The following DACT2 variants were observed in gnomAD, a reference collection of about 807,000 sequenced individuals.
DACT2 encodes the protein dishevelled binding antagonist of beta catenin 2.
DACT2 carries 20 observed loss-of-function variants against 22.2 expected under a neutral mutation model. The ratio of observed to expected loss-of-function variants is 0.90; its 90% CI spans 0.63 to 1.31. DACT2 has a LOEUF of 1.31. Among genes scored for constraint, DACT2 ranks in the 50% most tolerant of loss-of-function variants. The pLI, the probability that DACT2 is intolerant of heterozygous loss-of-function variation, is 0.00. For missense variants in DACT2, 1,048 were observed against 1,061.4 expected (o/e 0.99, Z 0.18); for synonymous variants, 463 against 479.8 (o/e 0.96, Z 0.46).
intron 1 of DACT2, among the ~76,000 whole-genome samples, chr6:168,315,062 C>T (rs540888190): frequency 3.9e-5 from 6 of 152,258 alleles, no homozygotes; most frequent in South Asian, 4.1e-4. Flanking sequence ...CATGTTGATG[C>T]GGCAGAATCA....
intron 1 of DACT2, among the ~76,000 whole-genome samples, chr6:168,314,114 A>G (rs1779489998): frequency 6.6e-6 from 1 of 152,174 alleles, no homozygotes; most frequent in Admixed American, 6.5e-5. Context: ...GTCACAAAAT[A>G]TATGTGGCCA....
downstream of DACT2, chr6:168,306,903 G>T (rs78236728): frequency 6.0e-4 from 597 of 990,724 alleles, 3 homozygotes; most frequent in African/African-American, 8.1e-3. Flanking sequence ...GGAGGAAGAG[G>T]TTAAAAGAGG....
chr6:168,308,212 C>G lies in DACT2; in HGVS notation c.1545G>C (p.Leu515=). ...DKVLRFARQP[L]LLLDRPEGAH... ...CTCCCTCAGGCCTGTCCAGTAGAAG[C>G]AGCGGCTGCCTTGCAAACCTCAGCA... The change falls in exon 4 of 4, where the codon CTG becomes CTC. Residue 515 remains leucine (L), a synonymous_variant. Coordinates refer to ENST00000366795, the MANE Select transcript of DACT2 (RefSeq NM_214462.5). 6.4e-7 allele frequency: 1 copy of G among 1,551,816 alleles called. No homozygotes were observed. Among genetic ancestry groups the G allele is most frequent in the East Asian group, 2.4e-5 (1 of 40,874 alleles).
At chr6:168,298,065 C>G (rs1172965795) in intron 3 of DACT2, 2 of 152,198 alleles carry the variant, frequency 1.3e-5, no homozygotes, top group East Asian at 3.8e-4. Flanking sequence ...AGTGAACACA[C>G]ACATTGGAAA....
Position 168,307,818 on chromosome 6 carries a change from G to A in DACT2, c.1939C>T (p.Arg647Cys), listed in dbSNP as rs1044195917. Residue 647 changes from arginine to cysteine, a missense_variant, in exon 4 of 4, where the codon CGT becomes TGT. Arg to Cys is a radical substitution (Grantham distance 180). Transcript: ENST00000366795. This position sits in a 1 kb window ranked among gnomAD's most constrained non-coding sequence, Gnocchi z 5.3. Reference sequence around the variant, plus strand: ...GCGTCCTGGCGGACCAGTGAGGGACGGCCCCGGGCCAGTGGGCCACCTGCT... The same window carrying A: ...GCGTCCTGGCGGACCAGTGAGGGACAGCCCCGGGCCAGTGGGCCACCTGCT... ...RRAGGPLARG[R>C]PSLVRQDAYT... 3.5e-5 allele frequency: 54 copies of A among 1,538,908 alleles called. No homozygotes were observed. The highest frequency in any genetic ancestry group is 9.6e-5 in the African/African-American group (7 of 72,904).
chr6:168,314,163 G>A (rs774565501), intron 1 of DACT2, among the ~76,000 whole-genome samples: 6 of 152,220 alleles, frequency 3.9e-5, no homozygotes, highest in Non-Finnish European at 7.3e-5. Flanking sequence ...GCCCTAGAGC[G>A]TGATCTCCAC....
intron 3 of DACT2, among the ~76,000 whole-genome samples, chr6:168,309,450 G>GTAGACACAGGGTGCGGGGCCGTTTGCGTA (rs796860864): frequency 0.011 from 1,492 of 140,378 alleles, 88 homozygotes; most frequent in African/African-American, 0.034. Flanking sequence ...CCGTTTGCGT[G>GTAGACACAGGGTGCGGGGCCGTTTGCGTA]TAGACACAGG....
chr6:168,299,469 A>G (rs1375245334), intron 3 of DACT2: 2 of 152,218 alleles, frequency 1.3e-5, no homozygotes, highest in Admixed American at 6.5e-5. Flanking sequence ...TGGTTAAATA[A>G]AAAGGATATT....
In DACT2 at chr6:168,307,741, C is replaced by T. The variant is rs996945663; in HGVS notation, c.2016G>A (p.Pro672=). ...TCTCCGGGATGACTGACGGGAACCG[C>T]GGGTCACACTCGGCCGAGTGCTTGG... ...EPSKHSAECD[P]RFPSVIPETS... Residue 672 remains proline, a synonymous_variant, in exon 4 of 4, where the codon CCG becomes CCA. Coordinates refer to ENST00000366795, the MANE Select transcript of DACT2 (RefSeq NM_214462.5). The surrounding 1 kb of genome is among the most constrained non-coding windows in gnomAD (Gnocchi z 5.3). The T allele has an allele frequency of 1.8e-5, 28 of 1,548,770 alleles. No individual in the cohort carries two copies. The highest frequency in any genetic ancestry group is 2.7e-5 in the African/African-American group (2 of 73,036).
exon 5 of DACT2, chr6:168,294,151 C>G: frequency 1.4e-6 from 1 of 703,026 alleles, no homozygotes; most frequent in Non-Finnish European, 2.6e-6. Context: ...AGAAAGGGAG[C>G]TGACAGCCAC....
chr6:168,307,890 T>A lies in DACT2; in HGVS notation c.1867A>T (p.Ser623Cys). Residue 623 changes from serine (S) to cysteine (C), a missense_variant, in exon 4 of 4, where the codon AGC becomes TGC. Physicochemically the swap from Ser to Cys is moderately radical, Grantham distance 112. Transcript: ENST00000366795. This position sits in a 1 kb window ranked among gnomAD's most constrained non-coding sequence, Gnocchi z 5.3. Reference sequence around the variant, plus strand: ...GGCCCCAGGTTAGACTCAGGACAGCTGGCCAGGCGGGCCCGGGCCGAGATC... The same window carrying A: ...GGCCCCAGGTTAGACTCAGGACAGCAGGCCAGGCGGGCCCGGGCCGAGATC... ...VEISARARLA[S>C]CPESNLGPPR... The A allele has an allele frequency of 6.8e-7, 1 of 1,481,390 alleles. No homozygotes were observed. 91.8% of individuals were successfully genotyped at this position (1,481,390 alleles called of 1,614,324 possible). A position where few individuals can be genotyped will look rare whatever the true frequency, so the allele number is the denominator to read the frequency against.
chr6:168,308,657 C>T lies in DACT2; in HGVS notation c.1100G>A (p.Arg367Lys), dbSNP rs1259112916. Residue 367 changes from arginine to lysine, a missense_variant, in exon 4 of 4, where the codon AGG (arginine) becomes AAG (lysine). Transcript: ENST00000366795. Reference protein sequence around the residue: ...LRHAASPSPQRQGGWSTDGGG... With the variant: ...LRHAASPSPQKQGGWSTDGGG... ...ACCGTCTGTACTCCAGCCACCCTGCCTCTGTGGAGATGGGGACGCTGCATG... is the reference window on the plus strand; with the variant it reads ...ACCGTCTGTACTCCAGCCACCCTGCTTCTGTGGAGATGGGGACGCTGCATG... 24 of 1,544,906 alleles carry T rather than the reference C, an allele frequency of 1.6e-5. No individual in the cohort carries two copies. The highest frequency in any genetic ancestry group is 1.9e-5 in the Non-Finnish European group (22 of 1,146,970).
chr6:168,308,855 G>A lies in DACT2; in HGVS notation c.902C>T (p.Pro301Leu). 7.1e-6 allele frequency: 11 copies of A among 1,551,112 alleles called. No individual in the cohort carries two copies. The highest frequency in any genetic ancestry group is 9.6e-6 in the Non-Finnish European group (11 of 1,146,868). Reference sequence around the variant, plus strand: ...CCTGGGGCTCTCCCTAGGGAACGAGGGGCCACCTCTCTGTGGGGTTTCCTT... The same window carrying A: ...CCTGGGGCTCTCCCTAGGGAACGAGAGGCCACCTCTCTGTGGGGTTTCCTT... ...LTKETPQRGG[P>L]SFPRESPRGP... is the part of the protein sequence containing the mutation. Residue 301 changes from proline to leucine, a missense_variant, in exon 4 of 4, where the codon CCC becomes CTC. Pro to Leu is a moderately conservative substitution (Grantham distance 98). Coordinates refer to ENST00000366795, the MANE Select transcript of DACT2 (RefSeq NM_214462.5).
At position 168,307,623 on chromosome 6, in the gene DACT2, C is replaced by G; in HGVS notation, c.2134G>C (p.Asp712His). Residue 712 changes from aspartate (D) to histidine (H), a missense_variant, in exon 4 of 4, where the codon GAC (aspartate) becomes CAC (histidine). By Grantham distance (81) the Asp-to-His change is moderately conservative. Coordinates refer to ENST00000366795, the MANE Select transcript of DACT2 (RefSeq NM_214462.5). The surrounding 1 kb of genome is among the most constrained non-coding windows in gnomAD (Gnocchi z 5.3). ...SDEEGGAQSR[D>H]CDLALGYVAA... ...ACATAGCCCAGTGCCAGGTCACAGT[C>G]CCTGCTCTGGGCGCCGCCCTCCTCG... 1 of 1,547,868 alleles carries G rather than the reference C, an allele frequency of 6.5e-7. No homozygotes were observed.
At chr6:168,315,624 A>G (rs1779523009) in intron 1 of DACT2, among the ~76,000 whole-genome samples, 1 of 152,252 alleles carries the variant, frequency 6.6e-6, no homozygotes, top group East Asian at 1.9e-4. Context: ...CTCTTGTGGC[A>G]CAGTAATTAA....
At position 168,307,199 on chromosome 6, in the gene DACT2, C is replaced by T. The variant is rs148980335; in HGVS notation, c.*233G>A. The T allele has an allele frequency of 5.3e-4, 741 of 1,386,884 alleles. 6 individuals are homozygous for T. In the African/African-American group the frequency reaches 8.7e-3, roughly 16 times the overall value. The allele number at this position is 1,386,884 out of a possible 1,614,324, so 85.9% of individuals were successfully genotyped here. Reference sequence around the variant, plus strand: ...CCTTGAAAAGAGACACTAGGTCGGCCGGGGAGGCTGCTGGCATCTGAAACC... The same window carrying T: ...CCTTGAAAAGAGACACTAGGTCGGCTGGGGAGGCTGCTGGCATCTGAAACC... On this transcript the variant is annotated 3_prime_UTR_variant, in exon 4 of 4. Coordinates refer to ENST00000366795, the MANE Select transcript of DACT2 (RefSeq NM_214462.5). This position sits in a 1 kb window ranked among gnomAD's most constrained non-coding sequence, Gnocchi z 5.3.
chr6:168,294,764 G>A (rs1158277215), intron 3 of DACT2: 4 of 710,290 alleles, frequency 5.6e-6, no homozygotes, highest in East Asian at 3.4e-5. Context: ...CAGCTTCAAC[G>A]ATTCTGCGAT....
chr6:168,307,032 C>G lies in DACT2; in HGVS notation c.*400G>C. 9.9e-7 allele frequency: 1 copy of G among 1,014,150 alleles called. No individual in the cohort carries two copies. Among genetic ancestry groups the G allele is most frequent in the African/African-American group, 1.7e-5 (1 of 58,124 alleles). The allele number at this position is 1,014,150 out of a possible 1,614,324, so 62.8% of individuals were successfully genotyped here. A position where few individuals can be genotyped will look rare whatever the true frequency, so the allele number is the denominator to read the frequency against. On this transcript the variant is annotated 3_prime_UTR_variant, in exon 4 of 4. Coordinates refer to ENST00000366795, the MANE Select transcript of DACT2 (RefSeq NM_214462.5). The surrounding 1 kb of genome is among the most constrained non-coding windows in gnomAD (Gnocchi z 5.3). ...TTCCAGCTCAGAGTCCTGCAACCGCCTCTTTAAAATGCTTTTGGGGAGGAA... is the reference window on the plus strand; with the variant it reads ...TTCCAGCTCAGAGTCCTGCAACCGCGTCTTTAAAATGCTTTTGGGGAGGAA...
Position 168,308,597 on chromosome 6 carries a change from T to C in DACT2, c.1160A>G (p.Glu387Gly). The change falls in exon 4 of 4, where the codon GAG (glutamate) becomes GGG (glycine). Residue 387 changes from glutamate (E) to glycine (G), a missense_variant. Transcript: ENST00000366795. ...GCTCTGAGCTGGCCCTCCCTCGTCC[T>C]CCCTCCCTGGGGCGAAGACCAGCAG... is the stretch of plus-strand genomic sequence containing the variant. ...GRLLVFAPGR[E>G]DEGGPAQSRG... 1 of 1,545,934 alleles carries C rather than the reference T, an allele frequency of 6.5e-7. No homozygotes were observed. The highest frequency in any genetic ancestry group is 8.7e-7 in the Non-Finnish European group (1 of 1,146,894).
Sources: gnomAD v4.1 joint callset for allele counts (sites outside exome capture counted in the v4.1 genomes callset) on GRCh38, gnomAD v4.1.1 for gene constraint, Gnocchi (gnomAD v3.1) non-coding constraint, MANE v1.5 for transcripts, NCBI Gene and HGNC (gene_info 2026-07-23, HGNC 2026-07-21) for gene names.